TMEM117: variants seen among roughly 807,000 people sequenced by gnomAD.
TMEM117 encodes transmembrane protein 117.
Under a neutral mutation model 52.4 loss-of-function variants are expected in TMEM117, and 27 were observed. That is an observed-to-expected ratio of 0.51 (90% CI 0.38 to 0.71). The LOEUF (loss-of-function observed/expected upper bound fraction) is 0.71. Ranked by LOEUF, TMEM117 falls within the 30% of genes least tolerant of loss-of-function variation. The pLI is 0.00. For synonymous variants in TMEM117, 215 were observed against 206.3 expected, an observed-to-expected ratio of 1.04 and a Z score of -0.36; for missense variants, 556 against 630.5, an observed-to-expected ratio of 0.88 and a Z score of 1.26.
intron 6 of TMEM117, among the ~76,000 whole-genome samples, chr12:44,329,740 C>T (rs1951243550): frequency 6.6e-6 from 1 of 152,048 alleles, no homozygotes; most frequent in Admixed American, 6.6e-5. Flanking sequence ...CTATGTACCT[C>T]GTACAAGAAC....
At chr12:44,246,421 G>T (rs947149092) in intron 5 of TMEM117, among the ~76,000 whole-genome samples, 7 of 152,130 alleles carry the variant, frequency 4.6e-5, no homozygotes, top group African/African-American at 1.7e-4. Context: ...AAAGAAGACT[G>T]TTTGCTTTTG....
intron 4 of TMEM117, among the ~76,000 whole-genome samples, chr12:44,173,260 A>G (rs1486839033): frequency 6.6e-6 from 1 of 152,140 alleles, no homozygotes; most frequent in Non-Finnish European, 1.5e-5. Flanking sequence ...TATTTTTAGT[A>G]GAGACAAGGT....
chr12:43,848,820 A>G (rs1943256955), intron 2 of TMEM117, among the ~76,000 whole-genome samples: 1 of 152,166 alleles, frequency 6.6e-6, no homozygotes, highest in Non-Finnish European at 1.5e-5. Flanking sequence ...AATCTTTACA[A>G]TTTATGTTCC....
At chr12:44,024,742 T>C (rs73087687) in intron 3 of TMEM117, among the ~76,000 whole-genome samples, 14,049 of 151,986 alleles carry the variant, frequency 0.092, 1,005 homozygotes, top group African/African-American at 0.19. Flanking sequence ...TTTCTTAACA[T>C]AAGGAAAAAT....
intron 2 of TMEM117, among the ~76,000 whole-genome samples, chr12:43,926,894 C>G (rs1355046159): frequency 6.6e-6 from 1 of 151,876 alleles, no homozygotes; most frequent in Non-Finnish European, 1.5e-5. Flanking sequence ...CATTGATCCT[C>G]TATATTTTAT....
chr12:44,069,921 A>G (rs1391370318), intron 3 of TMEM117, among the ~76,000 whole-genome samples: 1 of 151,840 alleles, frequency 6.6e-6, no homozygotes, highest in Non-Finnish European at 1.5e-5. Context: ...ACAGAGTTTG[A>G]CTCTGTTGCT....
chr12:43,863,706 CTGAGAGGTGG>C (rs955722589), intron 2 of TMEM117, among the ~76,000 whole-genome samples: 11 of 152,310 alleles, frequency 7.2e-5, no homozygotes, highest in African/African-American at 2.2e-4. Context: ...AAAGCAATGG[CTGAGAGGTGG>C]TGAGAGGTGA....
intron 3 of TMEM117, among the ~76,000 whole-genome samples, chr12:43,993,563 G>T (rs553513786): frequency 3.0e-4 from 45 of 152,158 alleles, no homozygotes; most frequent in African/African-American, 1.1e-3. Flanking sequence ...GAAGATGGAG[G>T]GGGGTGGAAG....
chr12:44,383,248 G>T (rs951980945), intron 7 of TMEM117, among the ~76,000 whole-genome samples: 4 of 152,118 alleles, frequency 2.6e-5, no homozygotes, highest in African/African-American at 9.7e-5. Context: ...GCATATTTCA[G>T]TCATGAAAAG....
chr12:43,976,302 G>T (rs193094919), intron 3 of TMEM117, among the ~76,000 whole-genome samples: 2 of 152,136 alleles, frequency 1.3e-5, no homozygotes, highest in African/African-American at 4.8e-5. Flanking sequence ...CCTGCAGACT[G>T]TGGCAGAGCA....
intron 2 of TMEM117, among the ~76,000 whole-genome samples, chr12:43,869,928 T>C (rs929750339): frequency 3.9e-5 from 6 of 152,038 alleles, no homozygotes; most frequent in African/African-American, 9.7e-5. Context: ...CCACCCCCCA[T>C]ACTCTCCTAC....
chr12:44,005,495 G>C (rs1349220381), intron 3 of TMEM117, among the ~76,000 whole-genome samples: 1 of 152,152 alleles, frequency 6.6e-6, no homozygotes, highest in African/African-American at 2.4e-5. Context: ...ATCCAGCCTT[G>C]CTCTGACTGG....
intron 5 of TMEM117, among the ~76,000 whole-genome samples, chr12:44,296,954 G>C (rs1336941684): frequency 6.6e-6 from 1 of 152,144 alleles, no homozygotes; most frequent in Non-Finnish European, 1.5e-5. Flanking sequence ...CTGGCAACTG[G>C]GTACAAGCCT....
At chr12:43,804,722 T>C in the TMEM117 span, 4 of 531,090 alleles carry the variant, frequency 7.5e-6, 1 homozygote, top group South Asian at 1.1e-4. Flanking sequence ...CCGCATAAAA[T>C]AACGAAGACT....
chr12:44,161,939 T>G (rs1592569914), intron 4 of TMEM117, among the ~76,000 whole-genome samples: 1 of 152,092 alleles, frequency 6.6e-6, no homozygotes, highest in African/African-American at 2.4e-5. Context: ...ATATGTTAGT[T>G]GAGGCATCTA....
chr12:44,061,851 A>G (rs1947143735), intron 3 of TMEM117, among the ~76,000 whole-genome samples: 1 of 152,200 alleles, frequency 6.6e-6, no homozygotes, highest in Admixed American at 6.5e-5. Context: ...CTAAAGGTTC[A>G]AAAGTGAGAT....
At chr12:44,323,860 CT>C (rs554371955) in intron 6 of TMEM117, among the ~76,000 whole-genome samples, 61 of 152,116 alleles carry the variant, frequency 4.0e-4, no homozygotes, top group Middle Eastern at 6.8e-3. Flanking sequence ...TGTGTGTATT[CT>C]TTTTTTCCTG....
chr12:44,356,226 A>G (rs1951646319), intron 6 of TMEM117, among the ~76,000 whole-genome samples: 1 of 152,104 alleles, frequency 6.6e-6, no homozygotes, highest in Non-Finnish European at 1.5e-5. Flanking sequence ...AGAATGACAA[A>G]TTACAATATG....
chr12:44,169,630 T>A (rs1949016841), intron 4 of TMEM117, among the ~76,000 whole-genome samples: 1 of 152,210 alleles, frequency 6.6e-6, no homozygotes, highest in Non-Finnish European at 1.5e-5. Context: ...AAAAATTTCT[T>A]CCATTCCATG....
Sources: gnomAD v4.1 joint callset for allele counts (sites outside exome capture counted in the v4.1 genomes callset) on GRCh38, gnomAD v4.1.1 for gene constraint, MANE v1.5 for transcripts, NCBI Gene and HGNC (gene_info 2026-07-23, HGNC 2026-07-21) for gene names.